The following TECR variants were observed in gnomAD, a reference collection of about 807,000 sequenced individuals.
TECR encodes the protein trans-2,3-enoyl-CoA reductase.
In TECR, 19 loss-of-function variants were observed where a neutral mutation model predicts 50.6. That is an observed-to-expected ratio of 0.38 (90% CI 0.26 to 0.55). The LOEUF (loss-of-function observed/expected upper bound fraction) is 0.55. TECR is among the 20% of genes least tolerant of loss of function. The probability of loss-of-function intolerance (pLI) is 0.79; values close to 1 mark genes in which losing one functional copy is unlikely to be tolerated. For missense variants in TECR, 313 were observed against 408.3 expected, an observed-to-expected ratio of 0.77 and a Z score of 2.01; for synonymous variants, 168 against 163.5, an observed-to-expected ratio of 1.03 and a Z score of -0.21.
At chr19:14,534,346 G>A (rs1214583979) in intron 1 of TECR, among the ~76,000 whole-genome samples, 3 of 146,992 alleles carry the variant, frequency 2.0e-5, no homozygotes, top group East Asian at 4.0e-4. Flanking sequence ...GGATGGTCTC[G>A]ATCTCCTGAC....
intron 1 of TECR, among the ~76,000 whole-genome samples, chr19:14,542,833 CTG>C (rs2073148701): frequency 6.6e-6 from 1 of 152,118 alleles, no homozygotes; most frequent in Admixed American, 6.6e-5. Flanking sequence ...AAGGCCCTCT[CTG>C]TGGCCCTGTA....
chr19:14,550,325 G>A (rs1006855833), intron 1 of TECR, among the ~76,000 whole-genome samples: 4 of 152,164 alleles, frequency 2.6e-5, no homozygotes, highest in African/African-American at 9.6e-5. Context: ...TATAAAGCCT[G>A]CCACGTAGAT....
At chr19:14,555,483 T>C (rs945462895) in intron 1 of TECR, among the ~76,000 whole-genome samples, 1 of 147,640 alleles carries the variant, frequency 6.8e-6, no homozygotes, top group Non-Finnish European at 1.5e-5. Flanking sequence ...CCTCACTCTA[T>C]TGCCCAGGCT....
intron 1 of TECR, among the ~76,000 whole-genome samples, chr19:14,560,219 G>C (rs567301144): frequency 4.9e-4 from 75 of 152,302 alleles, no homozygotes; most frequent in Middle Eastern, 3.4e-3. Context: ...GCCCAGGTTG[G>C]GGGGAGCAGG....
intron 1 of TECR, among the ~76,000 whole-genome samples, chr19:14,538,504 C>G (rs1599424340): frequency 6.6e-6 from 1 of 151,272 alleles, no homozygotes; most frequent in East Asian, 1.9e-4. Flanking sequence ...TGGCACCTGA[C>G]CTCTTTGGAA....
At chr19:14,562,188 G>A (rs1013727924) in intron 1 of TECR, 17 of 596,924 alleles carry the variant, frequency 2.8e-5, no homozygotes, top group Non-Finnish European at 4.2e-5. Context: ...CTGTGGCTGT[G>A]GTTGCCACTC....
chr19:14,549,954 T>A (rs532104580), intron 1 of TECR, among the ~76,000 whole-genome samples: 4 of 150,662 alleles, frequency 2.7e-5, no homozygotes, highest in Admixed American at 6.6e-5. Flanking sequence ...AAAAAAAAAA[T>A]AAAAAAAATA....
At chr19:14,554,993 G>T (rs1449487980) in intron 1 of TECR, among the ~76,000 whole-genome samples, 1 of 151,754 alleles carries the variant, frequency 6.6e-6, no homozygotes, top group Non-Finnish European at 1.5e-5. Flanking sequence ...TAGCCTGGCT[G>T]GTCTTGATCT....
intron 1 of TECR, 43 bp from the exon 2 acceptor site, chr19:14,562,482 A>G: frequency 6.2e-7 from 1 of 1,613,390 alleles, no homozygotes; most frequent in Non-Finnish European, 8.5e-7. Flanking sequence ...CCACACCCCC[A>G]AAGGTGGCCA....
Position 14,563,574 on chromosome 19 carries a change from C to G in TECR, c.119-84C>G. On this transcript the variant is annotated intron_variant, in intron 3 of 12. Transcript: ENST00000215567. The surrounding 1 kb of genome is among the most constrained non-coding windows in gnomAD (Gnocchi z 5.3). ...CTGGGGTCCTTGCACCCTGGGAACC[C>G]TGAGAAGCTGGCACAGTGGCTGGGC... is the stretch of plus-strand genomic sequence containing the variant. 6.3e-7 allele frequency: 1 copy of G among 1,590,148 alleles called. No homozygotes were observed. The highest frequency in any genetic ancestry group is 8.6e-7 in the Non-Finnish European group (1 of 1,164,076).
chr19:14,529,794 C>T (rs2072547924), intron 1 of TECR, 83 bp downstream of exon 1: 3 of 1,592,708 alleles, frequency 1.9e-6, no homozygotes, highest in Non-Finnish European at 2.6e-6. Context: ...ACCCCACTTT[C>T]TGGTCCTGTG....
intron 1 of TECR, among the ~76,000 whole-genome samples, chr19:14,536,943 C>T (rs967516237): frequency 9.3e-6 from 1 of 107,206 alleles, no homozygotes; most frequent in African/African-American, 3.6e-5. Context: ...CCTCTGGACA[C>T]GGGGCAGATG....
chr19:14,534,893 C>T lies in TECR; in HGVS notation c.15+5182C>T, dbSNP rs1199995564. ...TGGGTTTGTCAGACTCCAGTTTTGT[C>T]CACACTGATGGCTTCTCTGCTGATG... On this transcript the variant is annotated intron_variant, in intron 1 of 12. Transcript: ENST00000215567. Among the ~76,000 whole-genome samples, 3 of 152,324 alleles carry T rather than the reference C, an allele frequency of 2.0e-5. No homozygotes were observed. In the East Asian group the frequency reaches 5.8e-4, roughly 29 times the overall value.
Position 14,563,373 on chromosome 19 carries a change from G to A in TECR, c.118+116G>A, listed in dbSNP as rs2073962724. On this transcript the variant is annotated intron_variant, in intron 3 of 12. Transcript: ENST00000215567. The surrounding 1 kb of genome is among the most constrained non-coding windows in gnomAD (Gnocchi z 5.3). ...GGGGCCTGCAGAGATGCCCCAGTGT[G>A]GCCCAGGCTTCTGGGGCGTGACTGG... The A allele has an allele frequency of 9.3e-7, 1 of 1,077,242 alleles. No individual in the cohort carries two copies. Among genetic ancestry groups the A allele is most frequent in the Non-Finnish European group, 1.4e-6 (1 of 712,492 alleles). The allele number at this position is 1,077,242 out of a possible 1,614,324, so 66.7% of individuals were successfully genotyped here.
chr19:14,547,864 G>GTTGC (rs1247077124), intron 1 of TECR, among the ~76,000 whole-genome samples: 1 of 150,066 alleles, frequency 6.7e-6, no homozygotes, highest in Non-Finnish European at 1.5e-5. Flanking sequence ...GTCTTGCGAT[G>GTTGC]TTGCCCAGGT....
Position 14,564,770 on chromosome 19 carries a change from C to A in TECR, c.490-16C>A. 6.2e-7 allele frequency: 1 copy of A among 1,611,860 alleles called. No individual in the cohort carries two copies. ...GGTGCTGGCCCAAGTCCCATCCCTG[C>A]CCTGCTCCCTTTCAGAACTGCACCT... On this transcript the variant is annotated splice_polypyrimidine_tract_variant and intron_variant, in intron 7 of 12. Transcript: ENST00000215567.
chr19:14,545,055 A>C, intron 1 of TECR: 1 of 456,198 alleles, frequency 2.2e-6, no homozygotes, highest in East Asian at 7.0e-5. Flanking sequence ...GTTGTTTCTA[A>C]GCCTCTCACC....
chr19:14,564,312 C>T (rs1214655530), intron 7 of TECR, 25 bp downstream of exon 7: 6 of 1,571,078 alleles, frequency 3.8e-6, no homozygotes, highest in South Asian at 3.4e-5. Context: ...CCGCCTCACC[C>T]CTAAGCCCCG....
intron 1 of TECR, among the ~76,000 whole-genome samples, chr19:14,534,278 C>G (rs970907060): frequency 6.9e-6 from 1 of 145,504 alleles, no homozygotes; most frequent in African/African-American, 2.5e-5. Context: ...GTGCCTGCCA[C>G]CATGCCTGGC....
Sources: allele counts gnomAD v4.1 joint callset (sites outside exome capture counted in the v4.1 genomes callset), GRCh38; gene constraint gnomAD v4.1.1; non-coding constraint Gnocchi (gnomAD v3.1); transcripts MANE v1.5; gene names NCBI Gene and HGNC (gene_info 2026-07-23, HGNC 2026-07-21).